Variants in WDR19 observed in about 807,000 individuals in gnomAD.
WDR19 encodes WD repeat-containing protein 19.
In WDR19, 121 loss-of-function variants were observed where a neutral mutation model predicts 180.0. The observed-to-expected ratio is 0.67, with a 90% CI of 0.58 to 0.78. WDR19 has a LOEUF of 0.78. WDR19 is among the 30% of genes least tolerant of loss of function. The pLI is 0.00. For missense variants in WDR19, 1,450 were observed against 1,640.7 expected, an observed-to-expected ratio of 0.88 and a Z score of 2.01; for synonymous variants, 497 against 540.7, an observed-to-expected ratio of 0.92 and a Z score of 1.12.
At chr4:39,224,789 T>A (rs1439815848) in intron 14 of WDR19, 95 bp from the exon 15 acceptor site, 8 of 1,139,064 alleles carry the variant, frequency 7.0e-6, no homozygotes, top group Non-Finnish European at 9.7e-6. Flanking sequence ...ATTTTTCTCT[T>A]AAAATTAGAA....
chr4:39,277,676 C>T (rs1018641707), intron 34 of WDR19, among the ~76,000 whole-genome samples: 1 of 152,162 alleles, frequency 6.6e-6, no homozygotes, highest in African/African-American at 2.4e-5. Context: ...CCTTTTAATG[C>T]TGTCTCTCTG....
rs764490726 is a variant in WDR19, at chr4:39,228,521, C to T, written c.1813C>T (p.Pro605Ser). ...KVILAGSTKV[P>S]FAHKPLLLYN... The stretch of plus-strand genomic sequence containing the variant: ...TATTTTGGCTGGTAGCACCAAAGTT[C>T]CTTTTGCTCATAAACCTTTGCTGCT... Residue 605 changes from proline to serine, a missense_variant, in exon 17 of 37, where the codon CCT becomes TCT. Transcript: ENST00000399820. The T allele has an allele frequency of 6.2e-7, 1 of 1,613,844 alleles. No homozygotes were observed. The highest frequency in any genetic ancestry group is 1.1e-5 in the South Asian group (1 of 91,048).
chr4:39,255,394 T>G (rs1346130130), intron 26 of WDR19, among the ~76,000 whole-genome samples: 1 of 152,172 alleles, frequency 6.6e-6, no homozygotes, highest in Non-Finnish European at 1.5e-5. Context: ...CGGGTAAATG[T>G]AAACAATGAG....
intron 28 of WDR19, among the ~76,000 whole-genome samples, chr4:39,260,547 G>C (rs944995635): frequency 1.3e-5 from 2 of 152,052 alleles, no homozygotes; most frequent in Non-Finnish European, 2.9e-5. Context: ...CACCATGTTG[G>C]TCAGGCTGGT....
intron 24 of WDR19, among the ~76,000 whole-genome samples, chr4:39,251,355 T>C (rs1348313315): frequency 6.6e-6 from 1 of 152,148 alleles, no homozygotes; most frequent in Admixed American, 6.5e-5. Context: ...TATACAAAAA[T>C]TAATTCAAGA....
At chr4:39,280,338 TTGCTTA>T (rs2109532914) in intron 36 of WDR19, among the ~76,000 whole-genome samples, 1 of 152,230 alleles carries the variant, frequency 6.6e-6, no homozygotes, top group African/African-American at 2.4e-5. Context: ...CCCCCTTTGG[TTGCTTA>T]TGCTTTTGGT....
intron 6 of WDR19, among the ~76,000 whole-genome samples, chr4:39,201,175 A>T (rs939478224): frequency 6.6e-6 from 1 of 152,088 alleles, no homozygotes; most frequent in Non-Finnish European, 1.5e-5. Context: ...GGTTCCTTCC[A>T]TCTTATTGCT....
At chr4:39,281,073 G>A (rs1736449971) in intron 36 of WDR19, among the ~76,000 whole-genome samples, 1 of 151,936 alleles carries the variant, frequency 6.6e-6, no homozygotes, top group African/African-American at 2.4e-5. Flanking sequence ...GATATATTTT[G>A]CAAATATCAC....
intron 36 of WDR19, among the ~76,000 whole-genome samples, chr4:39,281,215 G>GTGTGTGTGTGTGTGTGTATATATATA (rs1167602972): frequency 5.4e-5 from 6 of 110,136 alleles, no homozygotes; most frequent in South Asian, 2.7e-4. Flanking sequence ...ATGTGTGTGT[G>GTGTGTGTGTGTGTGTGTATATATATA]TATATATATA....
At chr4:39,197,323 G>T (rs1036885022) in intron 5 of WDR19, among the ~76,000 whole-genome samples, 1 of 151,486 alleles carries the variant, frequency 6.6e-6, no homozygotes, top group African/African-American at 2.4e-5. Context: ...CTACTTGGGA[G>T]GCTGAGGCAG....
chr4:39,197,514 T>C (rs1577851795), intron 5 of WDR19, among the ~76,000 whole-genome samples: 1 of 152,018 alleles, frequency 6.6e-6, no homozygotes, highest in East Asian at 1.9e-4. Flanking sequence ...GGAGCTAAGA[T>C]TCAAAGCTAG....
At chr4:39,200,484 T>C (rs1727255400) in intron 6 of WDR19, among the ~76,000 whole-genome samples, 1 of 152,178 alleles carries the variant, frequency 6.6e-6, no homozygotes, top group Non-Finnish European at 1.5e-5. Flanking sequence ...CCAAGCTCAC[T>C]TACATGGGTG....
In WDR19 at chr4:39,185,835, G is replaced by C. The variant is rs368326256; in HGVS notation, c.98+18G>C. ...GTAACAGGGTAAGAAACCAATGAAT[G>C]TTTTAAGCAGTGGTTGCATGCCCAT... On this transcript the variant is annotated intron_variant, in intron 2 of 36. Transcript: ENST00000399820. 4 of 1,530,528 alleles carry C rather than the reference G, an allele frequency of 2.6e-6. No individual in the cohort carries two copies. The highest frequency in any genetic ancestry group is 3.5e-6 in the Non-Finnish European group (4 of 1,130,108). 94.8% of individuals were successfully genotyped at this position (1,530,528 alleles called of 1,614,324 possible).
intron 2 of WDR19, 61 bp from the exon 3 acceptor site, chr4:39,186,478 C>T (rs867187143): frequency 5.5e-6 from 2 of 362,090 alleles, no homozygotes; most frequent in Non-Finnish European, 8.1e-6. Context: ...GACTCTGTCT[C>T]AAAAAAAAAA....
chr4:39,210,700 A>G (rs1298460626), intron 9 of WDR19, among the ~76,000 whole-genome samples: 3 of 152,132 alleles, frequency 2.0e-5, no homozygotes, highest in Non-Finnish European at 2.9e-5. Context: ...AAATGTAATC[A>G]TTCTATCAGA....
chr4:39,234,910 C>A, intron 20 of WDR19, 35 bp downstream of exon 20: 2 of 1,315,584 alleles, frequency 1.5e-6, no homozygotes, highest in Non-Finnish European at 2.1e-6. Context: ...CAGTCAGTAG[C>A]TAATGACTGC....
chr4:39,261,520 T>C (rs1187145292), intron 28 of WDR19, among the ~76,000 whole-genome samples: 1 of 152,302 alleles, frequency 6.6e-6, no homozygotes, highest in East Asian at 1.9e-4. Context: ...CTGATTTGGG[T>C]AGTTCAAGTG....
chr4:39,217,859 C>G lies in WDR19; in HGVS notation c.1357-124C>G, dbSNP rs921008967. On this transcript the variant is annotated intron_variant, in intron 13 of 36. Coordinates refer to ENST00000399820, the MANE Select transcript of WDR19 (RefSeq NM_025132.4). ...CCTGTGTGATAGCTTTCCAACTAAA[C>G]TGACCTCTCGTAGTCTTGGGAGCCT... 3 of 1,240,828 alleles carry G rather than the reference C, an allele frequency of 2.4e-6. No individual in the cohort carries two copies. The African/African-American group carries it at 4.5e-5, about 19-fold the overall frequency. The allele number at this position is 1,240,828 out of a possible 1,614,324, so 76.9% of individuals were successfully genotyped here. A position where few individuals can be genotyped will look rare whatever the true frequency, so the allele number is the denominator to read the frequency against.
Position 39,194,585 on chromosome 4 carries a change from T to A in WDR19, c.332T>A (p.Phe111Tyr). The A allele has an allele frequency of 1.2e-6, 2 of 1,613,410 alleles. No individual in the cohort carries two copies. Among genetic ancestry groups the A allele is most frequent in the South Asian group, 1.1e-5 (1 of 90,886 alleles). Residue 111 changes from phenylalanine (F) to tyrosine (Y), a missense_variant, in exon 5 of 37, where the codon TTC becomes TAC. Phe to Tyr is a conservative substitution (Grantham distance 22). Transcript: ENST00000399820. ...SFLLWSKVGS[F>Y]LAVGTVKGNL... ...CTTCTTTGGTCAAAAGTTGGAAGTT[T>A]CCTGGCTGTTGGAACTGTTAAAGGA...
Sources: allele counts gnomAD v4.1 joint callset (sites outside exome capture counted in the v4.1 genomes callset), GRCh38; gene constraint gnomAD v4.1.1; transcripts MANE v1.5; gene names NCBI Gene and HGNC (gene_info 2026-07-23, HGNC 2026-07-21).